The following OSBPL6 variants were observed in gnomAD, a reference collection of about 807,000 sequenced individuals.
OSBPL6 encodes oxysterol binding protein like 6, also known as oxysterol-binding protein-related protein 6.
In OSBPL6, 49 loss-of-function variants were observed where a neutral mutation model predicts 125.8. The observed-to-expected ratio is 0.39, with a 90% confidence interval of 0.31 to 0.49. OSBPL6 has a LOEUF of 0.49. OSBPL6 is among the 20% of genes least tolerant of loss of function. The pLI is 0.88. For synonymous variants in OSBPL6, 394 were observed against 391.8 expected (o/e 1.01, Z -0.07); for missense variants, 986 against 1,135.4 (o/e 0.87, Z 1.89).
At chr2:178,254,077 C>T (rs1000021149) in intron 1 of OSBPL6, among the ~76,000 whole-genome samples, 5 of 152,124 alleles carry the variant, frequency 3.3e-5, no homozygotes, top group Non-Finnish European at 5.9e-5. Context: ...ACCTGGACTT[C>T]TCAGTCTCTG....
intron 1 of OSBPL6, among the ~76,000 whole-genome samples, chr2:178,215,918 G>A (rs1042986215): frequency 2.6e-5 from 4 of 152,174 alleles, no homozygotes; most frequent in African/African-American, 7.2e-5. Flanking sequence ...GGTCTGGTGC[G>A]TGACACACAC....
intron 24 of OSBPL6, among the ~76,000 whole-genome samples, chr2:178,395,106 T>C (rs1383172420): frequency 6.6e-6 from 1 of 152,148 alleles, no homozygotes; most frequent in African/African-American, 2.4e-5. Flanking sequence ...ATACTTTTAG[T>C]GAAGGAGAAA....
chr2:178,251,143 C>G (rs546984772), intron 1 of OSBPL6, among the ~76,000 whole-genome samples: 1 of 151,994 alleles, frequency 6.6e-6, no homozygotes, highest in East Asian at 1.9e-4. Context: ...GGAGTGTGGT[C>G]CCAGAGAGCA....
intron 3 of OSBPL6, among the ~76,000 whole-genome samples, chr2:178,316,227 T>A (rs142618965): frequency 1.9e-3 from 285 of 152,332 alleles, no homozygotes; most frequent in Middle Eastern, 3.4e-3. Context: ...TTGATTTAGC[T>A]TTTTTGGAGT....
chr2:178,257,209 C>T (rs565060582), intron 1 of OSBPL6, among the ~76,000 whole-genome samples: 19 of 152,166 alleles, frequency 1.2e-4, no homozygotes, highest in Admixed American at 2.0e-4. Flanking sequence ...ATGGTTGATT[C>T]TCAACTATAA....
chr2:178,381,909 G>C (rs1235545329), intron 15 of OSBPL6, among the ~76,000 whole-genome samples: 1 of 152,040 alleles, frequency 6.6e-6, no homozygotes, highest in African/African-American at 2.4e-5. Flanking sequence ...GATAAATCTT[G>C]CTCTCATGGG....
chr2:178,291,128 T>C (rs1685221393), intron 2 of OSBPL6, among the ~76,000 whole-genome samples: 1 of 152,050 alleles, frequency 6.6e-6, no homozygotes, highest in Non-Finnish European at 1.5e-5. Flanking sequence ...TACCTTTTAT[T>C]ATCACTATTA....
chr2:178,228,341 C>G (rs899260863), intron 1 of OSBPL6, among the ~76,000 whole-genome samples: 1 of 152,180 alleles, frequency 6.6e-6, no homozygotes, highest in Non-Finnish European at 1.5e-5. Context: ...CGAGACCATC[C>G]TGGCTAACAT....
chr2:178,290,026 TC>T (rs1478141654), intron 2 of OSBPL6, among the ~76,000 whole-genome samples: 2 of 152,180 alleles, frequency 1.3e-5, no homozygotes, highest in African/African-American at 4.8e-5. Flanking sequence ...AACATCCTGA[TC>T]CCCCTGTTCT....
At chr2:178,245,546 C>G (rs1021615079) in intron 1 of OSBPL6, among the ~76,000 whole-genome samples, 1 of 152,116 alleles carries the variant, frequency 6.6e-6, no homozygotes, top group Non-Finnish European at 1.5e-5. Context: ...GTACAAAATA[C>G]TATGTTAGAC....
At chr2:178,300,482 A>C (rs963917465) in intron 2 of OSBPL6, among the ~76,000 whole-genome samples, 4 of 152,206 alleles carry the variant, frequency 2.6e-5, no homozygotes, top group Admixed American at 1.3e-4. Context: ...GGCAGCGGGG[A>C]CAGGGTCTCG....
Position 178,304,849 on chromosome 2 carries a change from C to T in OSBPL6, c.-155-1181C>T, listed in dbSNP as rs78989225. Among the ~76,000 whole-genome samples, 2,323 of 152,274 alleles carry T rather than the reference C, an allele frequency of 0.015. 105 individuals carry two copies. In the East Asian group the frequency reaches 0.18, roughly 12 times the overall value. On this transcript the variant is annotated intron_variant, in intron 2 of 24. Coordinates refer to ENST00000190611, the MANE Select transcript of OSBPL6 (RefSeq NM_032523.4). ...TACCACTCATCTGTTGATCATGTCA[C>T]GCCAGACACCCTGGTACTTAGTAAA...
intron 2 of OSBPL6, among the ~76,000 whole-genome samples, chr2:178,300,631 G>A (rs576414892): frequency 1.4e-4 from 21 of 152,246 alleles, no homozygotes; most frequent in Admixed American, 1.0e-3. Context: ...CAGCTAATTT[G>A]TGTAGTTTTA....
intron 1 of OSBPL6, among the ~76,000 whole-genome samples, chr2:178,195,182 G>T (rs1023852908): frequency 1.3e-5 from 2 of 152,194 alleles, no homozygotes; most frequent in African/African-American, 4.8e-5. Flanking sequence ...CGAGAGGAGC[G>T]GCTGGGGAAG....
chr2:178,207,384 T>C (rs998959644), intron 1 of OSBPL6, among the ~76,000 whole-genome samples: 1 of 152,192 alleles, frequency 6.6e-6, no homozygotes, highest in African/African-American at 2.4e-5. Context: ...CATGTAATTG[T>C]ATTTAGGGCC....
chr2:178,224,977 ATC>A (rs1173694420), intron 1 of OSBPL6, among the ~76,000 whole-genome samples: 1 of 144,740 alleles, frequency 6.9e-6, no homozygotes, highest in Non-Finnish European at 1.5e-5. Context: ...CTCTCTCTTT[ATC>A]TCTCTCTGCT....
intron 1 of OSBPL6, among the ~76,000 whole-genome samples, chr2:178,270,003 C>T (rs2092340194): frequency 6.6e-6 from 1 of 152,162 alleles, no homozygotes; most frequent in African/African-American, 2.4e-5. Flanking sequence ...GCAGGGCGGA[C>T]GATAACACAC....
intron 15 of OSBPL6, among the ~76,000 whole-genome samples, chr2:178,374,421 T>C (rs191297642): frequency 1.2e-3 from 190 of 152,336 alleles, no homozygotes; most frequent in Middle Eastern, 6.8e-3. Flanking sequence ...CACATACATA[T>C]TAGATATTTT....
intron 1 of OSBPL6, among the ~76,000 whole-genome samples, chr2:178,254,189 C>T (rs998849781): frequency 1.3e-5 from 2 of 152,056 alleles, no homozygotes; most frequent in Non-Finnish European, 1.5e-5. Flanking sequence ...GTCAGGAGTT[C>T]GAGACCAGCC....
Sources: allele counts gnomAD v4.1 joint callset (sites outside exome capture counted in the v4.1 genomes callset), GRCh38; gene constraint gnomAD v4.1.1; transcripts MANE v1.5; gene names NCBI Gene and HGNC (gene_info 2026-07-23, HGNC 2026-07-21).